Variants in CDHR3 observed in about 807,000 individuals in gnomAD.
The protein encoded by CDHR3 is cadherin related family member 3.
In CDHR3, 79 loss-of-function variants were observed where a neutral mutation model predicts 86.6. That is an observed-to-expected ratio of 0.91 (90% CI 0.76 to 1.10). CDHR3 has a LOEUF of 1.10. Ranked by LOEUF, CDHR3 falls within the 50% of genes least tolerant of loss-of-function variation. The pLI, the probability that CDHR3 is intolerant of heterozygous loss-of-function variation, is 0.00. For missense variants in CDHR3, 1,081 were observed against 1,077.6 expected (o/e 1.00, Z -0.04); for synonymous variants, 421 against 402.4 (o/e 1.05, Z -0.55).
At chr7:105,990,690 A>G (rs1373371618) in intron 4 of CDHR3, among the ~76,000 whole-genome samples, 2 of 151,100 alleles carry the variant, frequency 1.3e-5, no homozygotes, top group African/African-American at 4.9e-5. Flanking sequence ...GCTCTATTCT[A>G]TAAAAGACAA....
chr7:105,994,094 G>T (rs1831810344), intron 4 of CDHR3, among the ~76,000 whole-genome samples: 1 of 152,142 alleles, frequency 6.6e-6, no homozygotes, highest in Admixed American at 6.5e-5. Flanking sequence ...GCTCACCCTT[G>T]TCCCTTGTTC....
chr7:106,028,538 C>G lies in CDHR3; in HGVS notation c.2273-13C>G, dbSNP rs1181845772. 1 of 1,613,782 alleles carries G rather than the reference C, an allele frequency of 6.2e-7. No individual in the cohort carries two copies. The highest frequency in any genetic ancestry group is 1.3e-5 in the African/African-American group (1 of 74,922). On this transcript the variant is annotated splice_polypyrimidine_tract_variant and intron_variant, in intron 16 of 18. Transcript: ENST00000317716. ...CCAAGAAGCTTAACTTCTGCCTGTT[C>G]TGTTCTCTGCAGAAACGAAGACTGC...
At chr7:106,013,426 T>C (rs1037250504) in intron 9 of CDHR3, among the ~76,000 whole-genome samples, 1 of 152,078 alleles carries the variant, frequency 6.6e-6, no homozygotes, top group Non-Finnish European at 1.5e-5. Flanking sequence ...TCTGGGTAAA[T>C]TCCACACCGT....
At chr7:106,020,658 G>A (rs1361914884) in intron 13 of CDHR3, 114 bp downstream of exon 13, 1 of 1,230,360 alleles carries the variant, frequency 8.1e-7, no homozygotes, top group East Asian at 2.4e-5. Flanking sequence ...GGAGTTGGGA[G>A]GGCATTATTT....
chr7:105,998,603 C>T (rs1832637415), intron 6 of CDHR3, among the ~76,000 whole-genome samples: 1 of 152,084 alleles, frequency 6.6e-6, no homozygotes, highest in Admixed American at 6.5e-5. Flanking sequence ...ACCAGCCTGA[C>T]CAACATGGTG....
At chr7:106,016,149 T>C (rs1835598166) in intron 11 of CDHR3, 124 bp downstream of exon 11, 1 of 623,218 alleles carries the variant, frequency 1.6e-6, no homozygotes, top group South Asian at 2.0e-5. Context: ...GATTCACAGC[T>C]GATTAGTATT....
At chr7:105,992,355 G>A (rs914227895) in intron 4 of CDHR3, among the ~76,000 whole-genome samples, 6 of 152,220 alleles carry the variant, frequency 3.9e-5, no homozygotes, top group African/African-American at 1.4e-4. Context: ...TTATGGATAT[G>A]CGAGGATTCT....
chr7:105,981,044 A>G lies in CDHR3; in HGVS notation c.326A>G (p.Asp109Gly), dbSNP rs774101487. The change falls in exon 3 of 19, where the codon GAT (aspartate) becomes GGT (glycine). Residue 109 changes from aspartate (D) to glycine (G), a missense_variant. Coordinates refer to ENST00000317716, the MANE Select transcript of CDHR3 (RefSeq NM_152750.5). ...TTTGATTTGCAGATTTATGTGAAGG[A>G]TGAGGTTGGTGTCACAGACCTGCAA... ...NIFDLQIYVK[D>G]EVGVTDLQVL... is the part of the protein sequence containing the mutation. 6.2e-7 allele frequency: 1 copy of G among 1,612,910 alleles called. No homozygotes were observed. Among genetic ancestry groups the G allele is most frequent in the African/African-American group, 1.3e-5 (1 of 74,916 alleles).
chr7:105,995,453 A>G (rs1832041472), intron 5 of CDHR3, among the ~76,000 whole-genome samples: 1 of 152,168 alleles, frequency 6.6e-6, no homozygotes, highest in Non-Finnish European at 1.5e-5. Flanking sequence ...CCACATCCAG[A>G]TGGTCATCAA....
chr7:105,993,077 G>A (rs1831605429), intron 4 of CDHR3, among the ~76,000 whole-genome samples: 1 of 152,196 alleles, frequency 6.6e-6, no homozygotes, highest in Admixed American at 6.5e-5. Context: ...TGTTTCCTTT[G>A]ATTCTAGACT....
intron 1 of CDHR3, among the ~76,000 whole-genome samples, chr7:105,969,119 G>A (rs977363586): frequency 8.0e-6 from 1 of 124,230 alleles, no homozygotes; most frequent in African/African-American, 2.9e-5. Flanking sequence ...AAAGTGGGCC[G>A]GGCGTGGTGG....
At position 106,004,670 on chromosome 7, in the gene CDHR3, C is replaced by A. The variant is rs895297056; in HGVS notation, c.1035C>A (p.Cys345Ter). 3 of 1,613,874 alleles carry A rather than the reference C, an allele frequency of 1.9e-6. No homozygotes were observed. The highest frequency in any genetic ancestry group is 2.5e-6 in the Non-Finnish European group (3 of 1,179,894). The change falls in exon 8 of 19, where the codon TGC becomes TGA. Residue 345 changes from cysteine (C) to a stop codon, truncating the protein, a stop_gained. Coordinates refer to ENST00000317716, the MANE Select transcript of CDHR3 (RefSeq NM_152750.5). LOFTEE classifies it high-confidence loss of function. ...ACGTCAACGACAATCCTGCCACATG[C>A]CAAAAGTTCACCTTCAGGTATGCAC... ...VEDVNDNPATCQKFTFSIMVP... is the reference protein window; with the variant it reads ...VEDVNDNPAT
chr7:105,996,308 C>A lies in CDHR3; in HGVS notation c.667C>A (p.Gln223Lys), dbSNP rs749802725. The A allele has an allele frequency of 2.5e-6, 4 of 1,600,594 alleles. No individual in the cohort carries two copies. In the Admixed American group the frequency reaches 6.7e-5, roughly 27 times the overall value. The change falls in exon 6 of 19, where the codon CAG becomes AAG. Residue 223 changes from glutamine (Q) to lysine (K), a missense_variant. Coordinates refer to ENST00000317716, the MANE Select transcript of CDHR3 (RefSeq NM_152750.5). ...AGGCCTCAAAGCCTCCACAGAGCTC[C>A]AGGTGAACATCGTGAACCTCAACGA... ...SGGLKASTELQVNIVNLNDEV... is the reference protein window; with the variant it reads ...SGGLKASTELKVNIVNLNDEV...
chr7:105,971,087 G>A (rs866052276), intron 1 of CDHR3, among the ~76,000 whole-genome samples: 40 of 149,726 alleles, frequency 2.7e-4, no homozygotes, highest in Middle Eastern at 3.4e-3. Flanking sequence ...CTTGCAGTGA[G>A]CCAAGATCGC....
At chr7:105,992,147 G>A (rs775092760) in intron 4 of CDHR3, among the ~76,000 whole-genome samples, 3 of 152,130 alleles carry the variant, frequency 2.0e-5, no homozygotes, top group Admixed American at 6.6e-5. Context: ...ATTTTGGAGT[G>A]TAGGGCCTGT....
At position 105,981,381 on chromosome 7, in the gene CDHR3, G is replaced by A. The variant is rs200594128; in HGVS notation, c.415+248G>A. Among the ~76,000 whole-genome samples, 5 of 152,260 alleles carry A rather than the reference G, an allele frequency of 3.3e-5. No individual in the cohort carries two copies. The East Asian group carries it at 7.7e-4, about 24-fold the overall frequency. On this transcript the variant is annotated intron_variant, in intron 3 of 18. Transcript: ENST00000317716. ...CCCTCCCAGTCCCAGGGAGGAAACTGAAGCTCAGAGAGAGACCTCGAGTGG... is the reference window on the plus strand; with the variant it reads ...CCCTCCCAGTCCCAGGGAGGAAACTAAAGCTCAGAGAGAGACCTCGAGTGG...
rs1041484811 is a variant in CDHR3 at position 105,981,028 on chromosome 7, C to A, written c.310C>A (p.Gln104Lys). ...AACAGGACCAAACATATTTGATTTG[C>A]AGATTTATGTGAAGGATGAGGTTGG... ...FETGPNIFDLQIYVKDEVGVT... is the reference protein window; with the variant it reads ...FETGPNIFDLKIYVKDEVGVT... The change falls in exon 3 of 19, where the codon CAG becomes AAG. Residue 104 changes from glutamine (Q) to lysine (K), a missense_variant. Transcript: ENST00000317716. 1.2e-6 allele frequency: 2 copies of A among 1,611,992 alleles called. No individual in the cohort carries two copies. Among genetic ancestry groups the A allele is most frequent in the African/African-American group, 1.3e-5 (1 of 74,888 alleles).
intron 4 of CDHR3, among the ~76,000 whole-genome samples, chr7:105,984,742 CA>C (rs1350738475): frequency 6.6e-6 from 1 of 152,026 alleles, no homozygotes; most frequent in Non-Finnish European, 1.5e-5. Context: ...CTACCTTTCC[CA>C]AGAGATGAAG....
intron 12 of CDHR3, among the ~76,000 whole-genome samples, chr7:106,019,571 C>G (rs1001322191): frequency 1.3e-4 from 20 of 152,150 alleles, no homozygotes; most frequent in African/African-American, 4.8e-4. Context: ...ACACAAGTCC[C>G]TTTCAGGGCT....
Sources: allele counts gnomAD v4.1 joint callset (sites outside exome capture counted in the v4.1 genomes callset), GRCh38; gene constraint gnomAD v4.1.1; transcripts MANE v1.5; gene names NCBI Gene and HGNC (gene_info 2026-07-23, HGNC 2026-07-21).